The following PTPRC variants were observed in gnomAD, a reference collection of about 807,000 sequenced individuals.
PTPRC encodes protein tyrosine phosphatase receptor type C, also known as receptor-type tyrosine-protein phosphatase C.
PTPRC carries 44 observed loss-of-function variants against 155.9 expected under a neutral mutation model. The ratio of observed to expected loss-of-function variants is 0.28; its 90% confidence interval spans 0.22 to 0.36. The LOEUF (loss-of-function observed/expected upper bound fraction) is 0.36, where lower values mean the gene tolerates loss of function less well. Among genes scored for constraint, PTPRC ranks in the 10% least tolerant of loss-of-function variants. The pLI, the probability that PTPRC is intolerant of heterozygous loss-of-function variation, is 1.00. For synonymous variants in PTPRC, 525 were observed against 533.1 expected (o/e 0.98, Z 0.21); for missense variants, 1,401 against 1,564.6 (o/e 0.90, Z 1.76).
chr1:198,745,396 T>C (rs1234419925), intron 26 of PTPRC, among the ~76,000 whole-genome samples: 4 of 151,704 alleles, frequency 2.6e-5, no homozygotes, highest in Non-Finnish European at 5.9e-5. Flanking sequence ...AAATTTGGTA[T>C]TGGGAAGTTG....
intron 2 of PTPRC, among the ~76,000 whole-genome samples, chr1:198,669,496 A>G (rs1664522798): frequency 6.6e-6 from 1 of 152,124 alleles, no homozygotes; most frequent in Non-Finnish European, 1.5e-5. Context: ...ATTTAAATAT[A>G]TGTATTTATA....
At chr1:198,688,093 GTGTGTC>G (rs1317942502) in intron 2 of PTPRC, among the ~76,000 whole-genome samples, 9 of 151,622 alleles carry the variant, frequency 5.9e-5, no homozygotes, top group Non-Finnish European at 5.9e-5. Context: ...GTGTGTGTGT[GTGTGTC>G]TGTGTGTGTG....
At chr1:198,744,015 T>C (rs1417162682) in intron 25 of PTPRC, 39 bp from the exon 26 acceptor site, 1 of 1,556,806 alleles carries the variant, frequency 6.4e-7, no homozygotes, top group Non-Finnish European at 8.9e-7. Flanking sequence ...GGACTCTAGA[T>C]TATCAGTTAA....
chr1:198,692,971 G>C, intron 3 of PTPRC: 2 of 931,688 alleles, frequency 2.1e-6, no homozygotes, highest in Non-Finnish European at 2.6e-6. Context: ...CAAAATAAGA[G>C]AAAAAATTAA....
In PTPRC at chr1:198,728,433, A is replaced by G. The variant is rs1314941487; in HGVS notation, c.1814A>G (p.His605Arg). 3.7e-6 allele frequency: 6 copies of G among 1,612,342 alleles called. No homozygotes were observed. Among genetic ancestry groups the G allele is most frequent in the East Asian group, 4.5e-5 (2 of 44,734 alleles). Residue 605 changes from histidine to arginine, a missense_variant, in exon 16 of 33, where the codon CAT (histidine) becomes CGT (arginine). His to Arg is a conservative substitution (Grantham distance 29). Transcript: ENST00000442510. ...GTTCTCTACAAAATCTATGATCTAC[A>G]TAAGAAAAGATCCTGGTAAGAGTTG... Reference protein sequence around the residue: ...LVVLYKIYDLHKKRSCNLDEQ... With the variant: ...LVVLYKIYDLRKKRSCNLDEQ...
At chr1:198,734,126 C>A in intron 20 of PTPRC, 70 bp from the exon 21 acceptor site, 2 of 1,468,208 alleles carry the variant, frequency 1.4e-6, no homozygotes, top group South Asian at 2.3e-5. Flanking sequence ...TCCTCTAACT[C>A]ACAATTTTTC....
chr1:198,677,752 T>C (rs538043275), intron 2 of PTPRC, among the ~76,000 whole-genome samples: 2 of 152,318 alleles, frequency 1.3e-5, no homozygotes, highest in South Asian at 4.1e-4. Context: ...CTCCTGCATG[T>C]ATTACTATGT....
chr1:198,743,024 A>G (rs374962414), intron 25 of PTPRC, among the ~76,000 whole-genome samples: 27 of 150,892 alleles, frequency 1.8e-4, no homozygotes, highest in Middle Eastern at 3.4e-3. Flanking sequence ...TCAACTAGAA[A>G]CATTTGCAAG....
intron 2 of PTPRC, among the ~76,000 whole-genome samples, chr1:198,663,991 T>C (rs1434252474): frequency 1.3e-5 from 2 of 152,170 alleles, no homozygotes; most frequent in Non-Finnish European, 2.9e-5. Flanking sequence ...TTCCAAACTA[T>C]ACTTTTTTTT....
chr1:198,682,754 C>A (rs1665411391), intron 2 of PTPRC, among the ~76,000 whole-genome samples: 1 of 152,128 alleles, frequency 6.6e-6, no homozygotes, highest in Admixed American at 6.5e-5. Flanking sequence ...GGTAAAAATA[C>A]TGAAGGACAG....
chr1:198,672,399 C>T (rs935927752), intron 2 of PTPRC, among the ~76,000 whole-genome samples: 1 of 152,174 alleles, frequency 6.6e-6, no homozygotes, highest in Non-Finnish European at 1.5e-5. Context: ...AAATTCCTTA[C>T]TGTTTACTCT....
intron 2 of PTPRC, among the ~76,000 whole-genome samples, chr1:198,676,614 T>G (rs965948728): frequency 2.6e-5 from 4 of 152,290 alleles, no homozygotes; most frequent in South Asian, 4.2e-4. Flanking sequence ...GACAGGTCAT[T>G]GGAAAATCAC....
At chr1:198,753,516 A>G (rs193139877) in intron 31 of PTPRC, among the ~76,000 whole-genome samples, 1 of 152,140 alleles carries the variant, frequency 6.6e-6, no homozygotes, top group East Asian at 1.9e-4. Flanking sequence ...GAAAAAGTCT[A>G]ATTGTTATTA....
chr1:198,715,322 A>C (rs1653529448), intron 12 of PTPRC, among the ~76,000 whole-genome samples: 1 of 150,246 alleles, frequency 6.7e-6, no homozygotes, highest in African/African-American at 2.5e-5. Context: ...ACGGGGTTTC[A>C]CTGTGTTAGC....
At position 198,742,042 on chromosome 1, in the gene PTPRC, A is replaced by G; in HGVS notation, c.2561+16A>G. On this transcript the variant is annotated intron_variant, in intron 24 of 32. Coordinates refer to ENST00000442510, the MANE Select transcript of PTPRC (RefSeq NM_002838.5). ...TGCACTGCAGGTAGGAAAAACGAAC[A>G]AAAAAAAAAAACAACAACAAAAAAA... The G allele has an allele frequency of 2.5e-6, 2 of 807,100 alleles. No individual in the cohort carries two copies. Among genetic ancestry groups the G allele is most frequent in the Middle Eastern group, 2.7e-4 (1 of 3,646 alleles). 50.0% of individuals were successfully genotyped at this position (807,100 alleles called of 1,614,324 possible).
intron 2 of PTPRC, among the ~76,000 whole-genome samples, chr1:198,690,377 A>G (rs1023448588): frequency 6.6e-6 from 1 of 152,116 alleles, no homozygotes; most frequent in Non-Finnish European, 1.5e-5. Context: ...TGGGAACATA[A>G]ACATAACAAT....
intron 3 of PTPRC, chr1:198,694,758 C>T (rs527778759): frequency 2.2e-5 from 21 of 948,506 alleles, no homozygotes; most frequent in South Asian, 1.5e-4. Context: ...CACTCCCTTT[C>T]TCCCACCCCC....
intron 2 of PTPRC, among the ~76,000 whole-genome samples, chr1:198,664,052 T>C (rs1426149245): frequency 2.6e-5 from 4 of 152,052 alleles, no homozygotes; most frequent in African/African-American, 9.7e-5. Context: ...AAAGATGCTA[T>C]GGGGGTGAAG....
rs2274368 is a variant in PTPRC at position 198,708,291 on chromosome 1, T to A, written c.1033+30T>A. ...GAATATAACATTGACCAGAGAATTT[T>A]TTTTTGTGGCACAATGTTGTTCTAG... On this transcript the variant is annotated intron_variant, in intron 10 of 32. Transcript: ENST00000442510. 65,837 of 1,585,360 alleles carry A rather than the reference T, an allele frequency of 0.042. 2,152 individuals are homozygous for A. Among genetic ancestry groups the A allele is most frequent in the East Asian group, 0.16 (7,156 of 44,228 alleles).
Sources: gnomAD v4.1 joint callset for allele counts (sites outside exome capture counted in the v4.1 genomes callset) on GRCh38, gnomAD v4.1.1 for gene constraint, MANE v1.5 for transcripts, NCBI Gene and HGNC (gene_info 2026-07-23, HGNC 2026-07-21) for gene names.